Variants in MIPOL1 observed in about 807,000 individuals in gnomAD.
MIPOL1 encodes mirror-image polydactyly 1.
MIPOL1 carries 57 observed loss-of-function variants against 60.9 expected under a neutral mutation model. The ratio of observed to expected loss-of-function variants is 0.94; its 90% CI spans 0.76 to 1.17. The LOEUF (loss-of-function observed/expected upper bound fraction) is 1.17, where lower values mean the gene tolerates loss of function less well. Among genes scored for constraint, MIPOL1 ranks in the 50% most tolerant of loss-of-function variants. The pLI, the probability that MIPOL1 is intolerant of heterozygous loss-of-function variation, is 0.00. For missense variants in MIPOL1, 551 were observed against 511.6 expected, an observed-to-expected ratio of 1.08 and a Z score of -0.74; for synonymous variants, 179 against 168.8, an observed-to-expected ratio of 1.06 and a Z score of -0.47.
chr14:37,270,842 C>T (rs2083254072), intron 6 of MIPOL1, among the ~76,000 whole-genome samples: 1 of 151,858 alleles, frequency 6.6e-6, no homozygotes, highest in South Asian at 2.1e-4. Flanking sequence ...ATTACCAGTG[C>T]CTCTACCTTT....
At chr14:37,526,590 C>T (rs1208458299) in intron 12 of MIPOL1, among the ~76,000 whole-genome samples, 1 of 150,178 alleles carries the variant, frequency 6.7e-6, no homozygotes, top group Non-Finnish European at 1.5e-5. Context: ...ACCGTTTTAG[C>T]CAGGATGGTC....
intron 1 of MIPOL1, among the ~76,000 whole-genome samples, chr14:37,215,509 G>A (rs1003004524): frequency 1.8e-4 from 27 of 152,110 alleles, no homozygotes; most frequent in African/African-American, 5.8e-4. Flanking sequence ...TAAAAAGCAA[G>A]AAACTGGATG....
intron 10 of MIPOL1, among the ~76,000 whole-genome samples, chr14:37,374,323 A>C (rs998346793): frequency 2.0e-5 from 3 of 152,122 alleles, no homozygotes; most frequent in Non-Finnish European, 4.4e-5. Context: ...ATTTTCTCCC[A>C]TTCTGTAGGT....
At chr14:37,307,535 T>A (rs1277190183) in intron 7 of MIPOL1, among the ~76,000 whole-genome samples, 1 of 152,018 alleles carries the variant, frequency 6.6e-6, no homozygotes, top group Admixed American at 6.6e-5. Context: ...AAAATTGTGG[T>A]CAGCCTTCCT....
At chr14:37,389,226 G>T (rs1192934804) in intron 10 of MIPOL1, among the ~76,000 whole-genome samples, 1 of 149,250 alleles carries the variant, frequency 6.7e-6, no homozygotes, top group African/African-American at 2.5e-5. Flanking sequence ...AGAATGAAGG[G>T]TGGTAAAAAA....
chr14:37,317,490 A>T (rs4576980), intron 9 of MIPOL1, among the ~76,000 whole-genome samples: 81,083 of 151,856 alleles, frequency 0.53, 24,304 homozygotes, highest in Non-Finnish European at 0.66. Flanking sequence ...TAAGACTGAG[A>T]TTTTAATGGG....
At chr14:37,298,605 GA>G (rs1008490014) in intron 7 of MIPOL1, among the ~76,000 whole-genome samples, 5 of 151,646 alleles carry the variant, frequency 3.3e-5, no homozygotes, top group Non-Finnish European at 7.4e-5. Flanking sequence ...AAATTTACAA[GA>G]AAAAAACAAC....
chr14:37,354,217 T>G (rs1396752794), intron 9 of MIPOL1, among the ~76,000 whole-genome samples: 2 of 151,994 alleles, frequency 1.3e-5, no homozygotes, highest in Non-Finnish European at 2.9e-5. Context: ...TTGAGCAGTT[T>G]TGAGTGTGAT....
chr14:37,441,900 T>C (rs1021850579), intron 11 of MIPOL1, among the ~76,000 whole-genome samples: 1 of 152,118 alleles, frequency 6.6e-6, no homozygotes, highest in African/African-American at 2.4e-5. Flanking sequence ...TCAATGAGCA[T>C]GGGATGTTTT....
chr14:37,474,633 G>GTATA (rs1161663376), intron 11 of MIPOL1, among the ~76,000 whole-genome samples: 2 of 152,062 alleles, frequency 1.3e-5, no homozygotes, highest in African/African-American at 2.4e-5. Flanking sequence ...CCAGTCTCAG[G>GTATA]TATATCTTTA....
chr14:37,448,273 A>G (rs1051658319), intron 11 of MIPOL1, among the ~76,000 whole-genome samples: 2 of 152,200 alleles, frequency 1.3e-5, no homozygotes, highest in Non-Finnish European at 2.9e-5. Flanking sequence ...AGCCATAGCC[A>G]GTGTGGGCTA....
In MIPOL1 at chr14:37,548,944, G is replaced by A. The variant is rs964600044; in HGVS notation, c.*1973G>A. ...CAAAATAATTCTAACATCCACTATT[G>A]TTCAGTATAGGTAATCTCCCAAAAA... On this transcript the variant is annotated 3_prime_UTR_variant, in exon 13 of 13. Coordinates refer to ENST00000684589, the MANE Select transcript of MIPOL1 (RefSeq NM_001388067.1). 2 of 151,792 alleles carry A rather than the reference G, an allele frequency of 1.3e-5. No homozygotes were observed. The highest frequency in any genetic ancestry group is 4.8e-5 in the African/African-American group (2 of 41,386). The allele number at this position is 151,792 out of a possible 1,614,324, so 9.4% of individuals were successfully genotyped here.
At chr14:37,283,309 C>G (rs2084280107) in intron 6 of MIPOL1, among the ~76,000 whole-genome samples, 1 of 152,068 alleles carries the variant, frequency 6.6e-6, no homozygotes, top group African/African-American at 2.4e-5. Context: ...TCAGGTGATC[C>G]ACCTGCCTCG....
At position 37,510,205 on chromosome 14, in the gene MIPOL1, C is replaced by T. The variant is rs370456893; in HGVS notation, c.1262+10067C>T. 7.4e-4 allele frequency among the ~76,000 whole-genome samples: 113 copies of T among 151,920 alleles called. 3 individuals are homozygous for T. The South Asian group carries it at 0.021, about 28-fold the overall frequency. On this transcript the variant is annotated intron_variant, in intron 12 of 12. Coordinates refer to ENST00000684589, the MANE Select transcript of MIPOL1 (RefSeq NM_001388067.1). ...TATATATGTATGGTTTATATATATA[C>T]ACATACATATACGTGTGTGTGTATA...
At chr14:37,426,570 C>CATACATATATATATATATATAT (rs1555339853) in intron 11 of MIPOL1, among the ~76,000 whole-genome samples, 3 of 85,540 alleles carry the variant, frequency 3.5e-5, no homozygotes, top group African/African-American at 4.6e-5. Context: ...TCAAAATATA[C>CATACATATATATATATATATAT]ATATATATAT....
intron 1 of MIPOL1, among the ~76,000 whole-genome samples, chr14:37,204,168 C>T (rs1965729855): frequency 6.6e-6 from 1 of 151,926 alleles, no homozygotes; most frequent in South Asian, 2.1e-4. Flanking sequence ...TGACTGCACC[C>T]CTGGCTGACA....
intron 11 of MIPOL1, among the ~76,000 whole-genome samples, chr14:37,498,685 C>T (rs1275594240): frequency 6.6e-6 from 1 of 152,040 alleles, no homozygotes; most frequent in East Asian, 1.9e-4. Context: ...TGTGTAGTAA[C>T]CAGTTGACCA....
chr14:37,232,606 T>C (rs1473734520), intron 1 of MIPOL1, among the ~76,000 whole-genome samples: 1 of 152,220 alleles, frequency 6.6e-6, no homozygotes, highest in African/African-American at 2.4e-5. Context: ...TTTAATATCC[T>C]CTTACCATTT....
chr14:37,449,785 C>CATTT (rs76200007), intron 11 of MIPOL1, among the ~76,000 whole-genome samples: 3,780 of 151,672 alleles, frequency 0.025, 75 homozygotes, highest in Middle Eastern at 0.085. Context: ...TTTCTGATTA[C>CATTT]ATTTATTTAT....
Sources: allele counts gnomAD v4.1 joint callset (sites outside exome capture counted in the v4.1 genomes callset), GRCh38; gene constraint gnomAD v4.1.1; transcripts MANE v1.5; gene names NCBI Gene and HGNC (gene_info 2026-07-23, HGNC 2026-07-21).